CFAP161: variants seen among roughly 807,000 people sequenced by gnomAD.
The protein encoded by CFAP161 is cilia- and flagella-associated protein 161.
In CFAP161, 25 loss-of-function variants were observed where a neutral mutation model predicts 29.0. That is an observed-to-expected ratio of 0.86 (90% CI 0.63 to 1.20). CFAP161 has a LOEUF of 1.20. Ranked by LOEUF, CFAP161 falls within the 50% of genes most tolerant of loss-of-function variation. The pLI is 0.00. For synonymous variants in CFAP161, 116 were observed against 137.4 expected, an observed-to-expected ratio of 0.84 and a Z score of 1.09; for missense variants, 367 against 371.9, an observed-to-expected ratio of 0.99 and a Z score of 0.11.
intron 1 of CFAP161, among the ~76,000 whole-genome samples, chr15:81,112,061 CAT>C (rs965520719): frequency 3.9e-5 from 6 of 152,150 alleles, no homozygotes; most frequent in Non-Finnish European, 7.3e-5. Context: ...CACCTATTAA[CAT>C]ATTGCAGATT....
At position 81,105,943 on chromosome 15, in the gene CFAP161, G is replaced by A. The variant is rs115120740; in HGVS notation, c.-141-21647G>A. On this transcript the variant is annotated intron_variant, in intron 1 of 4. Coordinates refer to the CFAP161 transcript ENST00000560091. ...ATCCCCTTGTCTATCAGGCATTGTC[G>A]CTGGGGCTAAGGCTATGTCGATGAA... Among the ~76,000 whole-genome samples, 222 of 152,308 alleles carry A rather than the reference G, an allele frequency of 1.5e-3. 1 individual carries two copies. The highest frequency in any genetic ancestry group is 4.9e-3 in the African/African-American group (204 of 41,552).
chr15:81,141,495 T>C (rs4778881), intron 4 of CFAP161, among the ~76,000 whole-genome samples: 41,867 of 152,024 alleles, frequency 0.28, 6,259 homozygotes, highest in South Asian at 0.41. Flanking sequence ...AATCTTCAAA[T>C]GATGACAATT....
Position 81,136,614 on chromosome 15 carries a change from G to A in CFAP161, c.258G>A (p.Leu86=). 1 of 1,614,194 alleles carries A rather than the reference G, an allele frequency of 6.2e-7. No homozygotes were observed. Residue 86 remains leucine, a synonymous_variant, in exon 3 of 7, where the codon CTG becomes CTA. Coordinates refer to ENST00000286732, the MANE Select transcript of CFAP161 (RefSeq NM_173528.4). ...DDPDTEADVF[L]RGDLSLCMTP... The stretch of plus-strand genomic sequence containing the variant: ...CTGACACAGAAGCTGATGTGTTTCT[G>A]CGTGGGGACCTGAGCCTGTGTATGA...
intron 1 of CFAP161, among the ~76,000 whole-genome samples, chr15:81,106,297 G>T (rs901807034): frequency 6.6e-6 from 1 of 152,222 alleles, no homozygotes; most frequent in Non-Finnish European, 1.5e-5. Flanking sequence ...ATTATTTGCA[G>T]GAGTGAAACC....
chr15:81,137,774 A>G (rs1894837289), intron 3 of CFAP161, among the ~76,000 whole-genome samples: 1 of 152,222 alleles, frequency 6.6e-6, no homozygotes, highest in Admixed American at 6.5e-5. Context: ...CTTAGTATAC[A>G]TTAGCAAGAT....
intron 1 of CFAP161, among the ~76,000 whole-genome samples, chr15:81,123,838 T>C (rs774807872): frequency 2.6e-5 from 4 of 152,172 alleles, no homozygotes; most frequent in Non-Finnish European, 5.9e-5. Context: ...GGCTCTCAGG[T>C]TGACTGTTGT....
At chr15:81,147,714 CTG>C in intron 5 of CFAP161, 142 bp from the exon 6 acceptor site, 2 of 541,798 alleles carry the variant, frequency 3.7e-6, no homozygotes, top group Non-Finnish European at 6.4e-6. Flanking sequence ...TGGCACATGA[CTG>C]TGAATATATA....
intron 1 of CFAP161, among the ~76,000 whole-genome samples, chr15:81,110,897 C>T (rs1357013424): frequency 6.6e-6 from 1 of 152,094 alleles, no homozygotes; most frequent in Non-Finnish European, 1.5e-5. Context: ...TATTCTTTCC[C>T]CCAGGGGTCT....
intron 1 of CFAP161, among the ~76,000 whole-genome samples, chr15:81,108,786 C>T (rs540668197): frequency 6.6e-6 from 1 of 152,256 alleles, no homozygotes; most frequent in East Asian, 1.9e-4. Flanking sequence ...CCATCATATT[C>T]AAGACACTTT....
At chr15:81,146,396 G>A (rs540455947) in intron 5 of CFAP161, among the ~76,000 whole-genome samples, 8 of 152,208 alleles carry the variant, frequency 5.3e-5, no homozygotes, top group Admixed American at 5.2e-4. Flanking sequence ...TCCAGAGAAA[G>A]CCATTGCTTA....
chr15:81,131,297 AAAAC>A (rs1301811032), upstream of CFAP161, among the ~76,000 whole-genome samples: 7 of 152,148 alleles, frequency 4.6e-5, no homozygotes, highest in East Asian at 1.9e-4. Context: ...AAGAAGATAA[AAAAC>A]AAACAAACAA....
upstream of CFAP161, among the ~76,000 whole-genome samples, chr15:81,132,782 AAAAC>A (rs1176416641): frequency 6.6e-6 from 1 of 152,126 alleles, no homozygotes; most frequent in Non-Finnish European, 1.5e-5. Flanking sequence ...CTTAAAAGGA[AAAAC>A]AAACAAACAT....
intron 1 of CFAP161, among the ~76,000 whole-genome samples, chr15:81,101,411 C>T (rs770687203): frequency 8.7e-5 from 13 of 149,632 alleles, no homozygotes; most frequent in Admixed American, 1.3e-4. Flanking sequence ...CCTGTAATCC[C>T]GGCTACTTGG....
intron 5 of CFAP161, 94 bp from the exon 6 acceptor site, chr15:81,147,764 T>C (rs1362969932): frequency 4.1e-6 from 3 of 732,654 alleles, no homozygotes; most frequent in Non-Finnish European, 4.3e-6. Context: ...ATGTATAGTA[T>C]AATCCCAAAT....
chr15:81,134,471 A>G, intron 1 of CFAP161, 73 bp downstream of exon 1: 1 of 1,471,546 alleles, frequency 6.8e-7, no homozygotes, highest in Non-Finnish European at 9.3e-7. Context: ...TCAGTCTCCT[A>G]CTTTGAGCGC....
At chr15:81,107,039 C>T (rs1452818134) in intron 1 of CFAP161, among the ~76,000 whole-genome samples, 1 of 152,138 alleles carries the variant, frequency 6.6e-6, no homozygotes, top group Non-Finnish European at 1.5e-5. Context: ...ACACTCCAGC[C>T]TAAATACAGC....
intron 1 of CFAP161, among the ~76,000 whole-genome samples, chr15:81,108,782 T>TA (rs770425757): frequency 9.9e-5 from 15 of 152,226 alleles, no homozygotes; most frequent in Non-Finnish European, 1.8e-4. Flanking sequence ...ACCTCCATCA[T>TA]ATTCAAGACA....
chr15:81,099,991 C>T (rs946479229), intron 1 of CFAP161, among the ~76,000 whole-genome samples: 1 of 151,984 alleles, frequency 6.6e-6, no homozygotes, highest in Non-Finnish European at 1.5e-5. Context: ...ATCTTTGCCT[C>T]ATAGATGCAT....
intron 1 of CFAP161, among the ~76,000 whole-genome samples, chr15:81,100,704 C>CTT (rs1555448386): frequency 2.7e-5 from 4 of 148,638 alleles, no homozygotes. Flanking sequence ...CTCTCTCTCT[C>CTT]TTTTTTTTTT....
Sources: gnomAD v4.1 joint callset for allele counts (sites outside exome capture counted in the v4.1 genomes callset) on GRCh38, gnomAD v4.1.1 for gene constraint, MANE v1.5 for transcripts, NCBI Gene and HGNC (gene_info 2026-07-23, HGNC 2026-07-21) for gene names.